The following PHKB variants were observed in gnomAD, a reference collection of about 807,000 sequenced individuals.
PHKB encodes phosphorylase kinase regulatory subunit beta, also known as phosphorylase b kinase regulatory subunit beta.
In PHKB, 122 loss-of-function variants were observed where a neutral mutation model predicts 152.1. The observed-to-expected ratio is 0.80, with a 90% CI of 0.69 to 0.93. The LOEUF is 0.93. Ranked by LOEUF, PHKB falls within the 40% of genes least tolerant of loss-of-function variation. The pLI, the probability that PHKB is intolerant of heterozygous loss-of-function variation, is 0.00. For missense variants in PHKB, 1,304 were observed against 1,328.4 expected, an observed-to-expected ratio of 0.98 and a Z score of 0.29; for synonymous variants, 436 against 464.9, an observed-to-expected ratio of 0.94 and a Z score of 0.80.
At chr16:47,617,761 G>A (rs140737448) in intron 14 of PHKB, among the ~76,000 whole-genome samples, 8 of 152,270 alleles carry the variant, frequency 5.3e-5, no homozygotes, top group Admixed American at 6.5e-5. Flanking sequence ...CAGAGGTGAC[G>A]GAAATGTGAT....
At chr16:47,678,964 C>G (rs936382271) in intron 26 of PHKB, among the ~76,000 whole-genome samples, 7 of 151,992 alleles carry the variant, frequency 4.6e-5, no homozygotes, top group South Asian at 2.1e-4. Context: ...GTAAGGAAGG[C>G]ATCAAGTTTC....
At chr16:47,566,747 A>ATC (rs1297606742) in intron 7 of PHKB, 6 of 755,922 alleles carry the variant, frequency 7.9e-6, no homozygotes, top group African/African-American at 1.7e-5. Flanking sequence ...TTGTTGAAAT[A>ATC]TCTCCTTCCA....
At chr16:47,466,519 AG>A (rs1253803338) in intron 1 of PHKB, among the ~76,000 whole-genome samples, 1 of 152,194 alleles carries the variant, frequency 6.6e-6, no homozygotes, top group Non-Finnish European at 1.5e-5. Context: ...ATAATTTAAG[AG>A]GTTATTCCTT....
intron 1 of PHKB, among the ~76,000 whole-genome samples, chr16:47,481,732 C>G (rs1969966773): frequency 6.6e-6 from 1 of 152,196 alleles, no homozygotes; most frequent in South Asian, 2.1e-4. Flanking sequence ...ACTTAAGCCT[C>G]ACAACATCCC....
intron 26 of PHKB, chr16:47,676,088 T>C (rs1196470570): frequency 6.6e-6 from 1 of 152,260 alleles, no homozygotes; most frequent in Non-Finnish European, 1.5e-5. Flanking sequence ...CTCAGTATGT[T>C]TCTTTACAAA....
At chr16:47,546,981 A>G (rs1483236654) in intron 6 of PHKB, among the ~76,000 whole-genome samples, 4 of 152,266 alleles carry the variant, frequency 2.6e-5, no homozygotes, top group Non-Finnish European at 5.9e-5. Context: ...TTTAGGTGAC[A>G]GTGTCCCAAT....
At chr16:47,462,600 C>CT (rs1567266568) in intron 1 of PHKB, 1 of 151,686 alleles carries the variant, frequency 6.6e-6, no homozygotes, top group Non-Finnish European at 1.5e-5. Flanking sequence ...CACCACTGCA[C>CT]TCCAGCGTGG....
At chr16:47,533,401 C>T (rs563936232) in intron 6 of PHKB, among the ~76,000 whole-genome samples, 296 of 152,302 alleles carry the variant, frequency 1.9e-3, no homozygotes, top group Non-Finnish European at 3.5e-3. Context: ...CAGGAACCTG[C>T]CCCCTTCTGC....
chr16:47,608,483 G>A (rs1216737016), intron 13 of PHKB, among the ~76,000 whole-genome samples: 1 of 152,192 alleles, frequency 6.6e-6, no homozygotes, highest in African/African-American at 2.4e-5. Flanking sequence ...AACACTTTTG[G>A]AGGCTGAGGT....
chr16:47,574,872 C>T (rs889308454), intron 7 of PHKB, among the ~76,000 whole-genome samples: 2 of 152,190 alleles, frequency 1.3e-5, no homozygotes, highest in African/African-American at 4.8e-5. Flanking sequence ...ATGTCATCTG[C>T]AAAGAAACAG....
At chr16:47,604,306 A>G (rs1972286036) in intron 13 of PHKB, among the ~76,000 whole-genome samples, 1 of 152,188 alleles carries the variant, frequency 6.6e-6, no homozygotes, top group African/African-American at 2.4e-5. Context: ...TTTCATGAGC[A>G]GAAGTTAAAA....
chr16:47,657,699 G>A (rs1401922821), intron 20 of PHKB, among the ~76,000 whole-genome samples: 1 of 151,702 alleles, frequency 6.6e-6, no homozygotes. Context: ...TTATTTTATG[G>A]GCTGAATTAG....
chr16:47,632,750 T>C lies in PHKB; in HGVS notation c.1459-8285T>C, dbSNP rs575012820. On this transcript the variant is annotated intron_variant, in intron 14 of 30. Transcript: ENST00000323584. ...GGAAAAGAAACACTATTAGGGCACATTCACATTAAGTTTTCTCTGTGTGCC... is the reference window on the plus strand; with the variant it reads ...GGAAAAGAAACACTATTAGGGCACACTCACATTAAGTTTTCTCTGTGTGCC... 4.6e-5 allele frequency among the ~76,000 whole-genome samples: 7 copies of C among 152,320 alleles called. No individual in the cohort carries two copies. The South Asian group carries it at 1.5e-3, about 32-fold the overall frequency.
rs765569354 is a variant in PHKB, at chr16:47,698,467, T to C, written c.3023T>C (p.Ile1008Thr). ...IVVELLMVVS[I>T]VLERNPELEF... ...TTCTAGTTACTTATGGTTGTATCCA[T>C]TGTACTGGAAAGAAACCCCGAGCTA... Residue 1008 changes from isoleucine (I) to threonine (T), a missense_variant, in exon 30 of 31, where the codon ATT (isoleucine) becomes ACT (threonine). Coordinates refer to ENST00000323584, the MANE Select transcript of PHKB (RefSeq NM_000293.3). The C allele has an allele frequency of 3.1e-6, 5 of 1,610,796 alleles. No individual in the cohort carries two copies. The South Asian group carries it at 5.5e-5, about 18-fold the overall frequency.
intron 2 of PHKB, among the ~76,000 whole-genome samples, chr16:47,497,899 C>A (rs1253446223): frequency 6.6e-6 from 1 of 152,106 alleles, no homozygotes; most frequent in Non-Finnish European, 1.5e-5. Context: ...GAGATAATCA[C>A]AAGTTAGTAT....
At chr16:47,566,268 T>A in intron 7 of PHKB, 1 of 886,714 alleles carries the variant, frequency 1.1e-6, no homozygotes, top group Admixed American at 1.8e-5. Flanking sequence ...AGGTGAGTAG[T>A]CATCAAAGCT....
chr16:47,625,572 G>A (rs1567332191), intron 14 of PHKB, among the ~76,000 whole-genome samples: 2 of 152,096 alleles, frequency 1.3e-5, no homozygotes, highest in Admixed American at 6.6e-5. Context: ...TGAAGTGCCT[G>A]TTACCAGACC....
Position 47,569,724 on chromosome 16 carries a change from G to A in PHKB, c.711-10571G>A, listed in dbSNP as rs140895826. ...AAACTCTGCCCTCCCAGGCTTAAGC[G>A]ATCCTCCTACCTCAGCCTCCCCAGT... is the stretch of plus-strand genomic sequence containing the variant. On this transcript the variant is annotated intron_variant, in intron 7 of 30. Transcript: ENST00000323584. Among the ~76,000 whole-genome samples, 32 of 152,186 alleles carry A rather than the reference G, an allele frequency of 2.1e-4. No homozygotes were observed. The East Asian group carries it at 4.6e-3, about 22-fold the overall frequency.
chr16:47,547,687 G>A (rs1009200924), intron 7 of PHKB, 139 bp downstream of exon 7: 22 of 634,338 alleles, frequency 3.5e-5, no homozygotes, highest in Non-Finnish European at 5.9e-5. Flanking sequence ...GATGCAGATG[G>A]AAGTCACTTA....
Sources: allele counts gnomAD v4.1 joint callset (sites outside exome capture counted in the v4.1 genomes callset), GRCh38; gene constraint gnomAD v4.1.1; transcripts MANE v1.5; gene names NCBI Gene and HGNC (gene_info 2026-07-23, HGNC 2026-07-21).